Variants in LIMD1 observed in about 807,000 individuals in gnomAD.
LIMD1 encodes the protein LIM domain containing 1, also known as LIM domain-containing protein 1.
In LIMD1, 23 loss-of-function variants were observed where a neutral mutation model predicts 58.4. The observed-to-expected ratio is 0.39, with a 90% CI of 0.28 to 0.56. LIMD1 has a LOEUF of 0.56. LIMD1 is among the 20% of genes least tolerant of loss of function. The probability of loss-of-function intolerance (pLI) is 0.57; values close to 1 mark genes in which losing one functional copy is unlikely to be tolerated. For missense variants in LIMD1, 838 were observed against 855.5 expected, an observed-to-expected ratio of 0.98 and a Z score of 0.25; for synonymous variants, 334 against 345.5, an observed-to-expected ratio of 0.97 and a Z score of 0.37.
Position 45,672,822 on chromosome 3 carries a change from T to A in LIMD1, c.1772+2T>A, listed in dbSNP as rs1697609974. The A allele has an allele frequency of 2.5e-6, 4 of 1,613,150 alleles. No individual in the cohort carries two copies. Among genetic ancestry groups the A allele is most frequent in the Non-Finnish European group, 3.4e-6 (4 of 1,179,628 alleles). Reference sequence around the variant, plus strand: ...CTACTGTGTCCGAGATTACCACAAGTAAGAAGGGATGGGAGCAGACAGGAC... The same window carrying A: ...CTACTGTGTCCGAGATTACCACAAGAAAGAAGGGATGGGAGCAGACAGGAC... On this transcript the variant is annotated splice_donor_variant, in intron 5 of 7. Transcript: ENST00000273317. LOFTEE classifies it high-confidence loss of function.
At chr3:45,664,304 C>A (rs1697483331) in intron 2 of LIMD1, among the ~76,000 whole-genome samples, 1 of 152,156 alleles carries the variant, frequency 6.6e-6, no homozygotes, top group Non-Finnish European at 1.5e-5. Flanking sequence ...CTGTGCCCGG[C>A]CAGATACTAA....
intron 2 of LIMD1, among the ~76,000 whole-genome samples, chr3:45,656,729 G>A (rs2578686): frequency 1.3e-5 from 2 of 152,112 alleles, no homozygotes; most frequent in Non-Finnish European, 2.9e-5. Context: ...TGTTGGCCAG[G>A]ATGGTCTTGG....
chr3:45,671,087 T>G (rs1236350772), intron 4 of LIMD1, among the ~76,000 whole-genome samples: 1 of 152,244 alleles, frequency 6.6e-6, no homozygotes, highest in Non-Finnish European at 1.5e-5. Context: ...GAAAATGCAT[T>G]CCAAGGTCCA....
At position 45,595,512 on chromosome 3, in the gene LIMD1, C is replaced by T. The variant is rs1701336600; in HGVS notation, c.633C>T (p.Ser211=). The part of the protein sequence containing the change: ...GLSVGSGWPS[S]PGSDPPLPKP... ...GTGTAGGGAGTGGGTGGCCTAGCTC[C>T]CCGGGGAGTGACCCACCACTGCCCA... Residue 211 remains serine, a synonymous_variant, in exon 1 of 8, where the codon TCC becomes TCT. Coordinates refer to ENST00000273317, the MANE Select transcript of LIMD1 (RefSeq NM_014240.3). The T allele has an allele frequency of 1.2e-6, 2 of 1,613,896 alleles. No homozygotes were observed. The highest frequency in any genetic ancestry group is 1.7e-5 in the Admixed American group (1 of 59,994).
intron 1 of LIMD1, among the ~76,000 whole-genome samples, chr3:45,627,175 G>A (rs1462794387): frequency 2.0e-5 from 3 of 152,084 alleles, no homozygotes; most frequent in African/African-American, 7.2e-5. Flanking sequence ...CCTAGCTGCA[G>A]CCAAGAAGGA....
chr3:45,601,488 G>A (rs900061561), intron 1 of LIMD1, among the ~76,000 whole-genome samples: 2 of 152,178 alleles, frequency 1.3e-5, no homozygotes, highest in East Asian at 1.9e-4. Context: ...CGCCTTCATC[G>A]AAGGGCCTTT....
chr3:45,660,405 CTTT>C (rs869301368), intron 2 of LIMD1, among the ~76,000 whole-genome samples: 81 of 80,010 alleles, frequency 1.0e-3, no homozygotes, highest in Admixed American at 9.7e-3. Context: ...GGTGGGCTGT[CTTT>C]TTTTTTTTTT....
In LIMD1 at chr3:45,595,471, C is replaced by T. The variant is rs554830071; in HGVS notation, c.592C>T (p.Pro198Ser). Residue 198 changes from proline to serine, a missense_variant, in exon 1 of 8, where the codon CCC (proline) becomes TCC (serine). Pro to Ser is a moderately conservative substitution (Grantham distance 74). This residue lies in a region of LIMD1 where 659 missense variants were observed against 639.8 expected (regional missense o/e 1.03). Transcript: ENST00000273317. ...PKWGDKPGVS[P>S]SIGLSVGSGW... ...GTGGGGTGACAAACCAGGAGTGTCC[C>T]CCAGCATCGGCCTGAGTGTAGGGAG... 6.6e-5 allele frequency: 107 copies of T among 1,613,860 alleles called. No homozygotes were observed. In the South Asian group the frequency reaches 7.4e-4, roughly 11 times the overall value.
rs1301456786 is a variant in LIMD1 at position 45,660,966 on chromosome 3, A to G, written c.1511-4684A>G. On this transcript the variant is annotated intron_variant, in intron 2 of 7. Transcript: ENST00000273317. ...ATGATCCCTGAGATCACCCAGCTGTAGGTAGACATTCTTGGTACCTTAGTT... is the reference window on the plus strand; with the variant it reads ...ATGATCCCTGAGATCACCCAGCTGTGGGTAGACATTCTTGGTACCTTAGTT... 2.0e-5 allele frequency among the ~76,000 whole-genome samples: 3 copies of G among 152,198 alleles called. No homozygotes were observed. In the East Asian group the frequency reaches 5.8e-4, roughly 29 times the overall value.
In LIMD1 at chr3:45,595,458, A is replaced by G. The variant is rs1701335776; in HGVS notation, c.579A>G (p.Lys193=). The G allele has an allele frequency of 6.2e-7, 1 of 1,613,838 alleles. No homozygotes were observed. Among genetic ancestry groups the G allele is most frequent in the Non-Finnish European group, 8.5e-7 (1 of 1,179,920 alleles). ...TGGCAAGCCCAAAGTGGGGTGACAA[A>G]CCAGGAGTGTCCCCCAGCATCGGCC... The part of the protein sequence containing the change: ...LSLASPKWGD[K]PGVSPSIGLS... The change falls in exon 1 of 8, where the codon AAA becomes AAG. Residue 193 remains lysine (K), a synonymous_variant. Coordinates refer to ENST00000273317, the MANE Select transcript of LIMD1 (RefSeq NM_014240.3).
rs768028709 is a variant in LIMD1 at position 45,685,078 on chromosome 3, G to C, written c.*8019G>C. ...AGAGATTATTTGGATGTGCCAACAA[G>C]CTTCATCTGCAGCTTGGACTGTCTC... On this transcript the variant is annotated 3_prime_UTR_variant, in exon 8 of 8. Coordinates refer to ENST00000273317, the MANE Select transcript of LIMD1 (RefSeq NM_014240.3). 2.0e-5 allele frequency: 3 copies of C among 152,178 alleles called. No individual in the cohort carries two copies. Among genetic ancestry groups the C allele is most frequent in the Non-Finnish European group, 4.4e-5 (3 of 68,040 alleles). 9.4% of individuals were successfully genotyped at this position (152,178 alleles called of 1,614,324 possible).
intron 1 of LIMD1, among the ~76,000 whole-genome samples, chr3:45,613,278 C>T (rs944557095): frequency 2.0e-5 from 3 of 152,182 alleles, no homozygotes; most frequent in South Asian, 2.1e-4. Context: ...AAAACAAGGT[C>T]ATATATTCAT....
In LIMD1 at chr3:45,652,528, CT is replaced by C. The variant is rs539339601; in HGVS notation, c.1511-13119del. Reference sequence around the variant, plus strand: ...TTTTGAGTCTTGGATATTTTGTATTCTTTCAATCTTCTGAGCATTGTTCTGG... The same window carrying C: ...TTTTGAGTCTTGGATATTTTGTATTCTTCAATCTTCTGAGCATTGTTCTGG... On this transcript the variant is annotated intron_variant, in intron 2 of 7. Coordinates refer to ENST00000273317, the MANE Select transcript of LIMD1 (RefSeq NM_014240.3). Among the ~76,000 whole-genome samples, 11 of 152,272 alleles carry C rather than the reference CT, an allele frequency of 7.2e-5. No homozygotes were observed. The South Asian group carries it at 1.9e-3, about 26-fold the overall frequency.
At chr3:45,631,046 A>G (rs956473309) in intron 1 of LIMD1, among the ~76,000 whole-genome samples, 2 of 152,136 alleles carry the variant, frequency 1.3e-5, no homozygotes, top group African/African-American at 4.8e-5. Flanking sequence ...TCTACTAAAA[A>G]TATAAAAATT....
At chr3:45,635,028 A>T (rs1342845794) in intron 1 of LIMD1, 2 of 152,250 alleles carry the variant, frequency 1.3e-5, no homozygotes, top group African/African-American at 4.8e-5. Context: ...ACCTGAGGTC[A>T]GTAGTTTGAG....
At chr3:45,674,233 C>T in intron 6 of LIMD1, 110 bp from the exon 7 acceptor site, 2 of 712,762 alleles carry the variant, frequency 2.8e-6, no homozygotes, top group South Asian at 3.3e-5. Flanking sequence ...CCCAAGGCCA[C>T]CTACTTGTTA....
Position 45,596,026 on chromosome 3 carries a change from C to T in LIMD1, c.1147C>T (p.Leu383Phe), listed in dbSNP as rs1363000850. The T allele has an allele frequency of 1.9e-6, 3 of 1,614,226 alleles. No homozygotes were observed. The highest frequency in any genetic ancestry group is 1.7e-6 in the Non-Finnish European group (2 of 1,180,030). The stretch of plus-strand genomic sequence containing the variant: ...CACAGACCTTGGCACTGGTCCCAAG[C>T]TCAGCCCCACCAGTCTTGTCCATCC... ...GCTDLGTGPK[L>F]SPTSLVHPVM... The change falls in exon 1 of 8, where the codon CTC becomes TTC. Residue 383 changes from leucine to phenylalanine, a missense_variant. Leu to Phe is a conservative substitution (Grantham distance 22). Around this residue, in one of 3 missense-constraint regions of LIMD1, gnomAD observed 659 missense variants for 639.8 expected, o/e 1.03. Transcript: ENST00000273317.
At position 45,673,469 on chromosome 3, in the gene LIMD1, G is replaced by A; in HGVS notation, c.1788G>A (p.Lys596=). The change falls in exon 6 of 8, where the codon AAG becomes AAA. Residue 596 remains lysine, a synonymous_variant. Transcript: ENST00000273317. ...VRDYHKVLAP[K]CAACGLPILP... Reference sequence around the variant, plus strand: ...CTCCCCACAGGGTGCTGGCCCCCAAGTGTGCAGCCTGTGGGCTTCCCATCC... The same window carrying A: ...CTCCCCACAGGGTGCTGGCCCCCAAATGTGCAGCCTGTGGGCTTCCCATCC... The A allele has an allele frequency of 6.2e-7, 1 of 1,614,064 alleles. No individual in the cohort carries two copies.
intron 7 of LIMD1, among the ~76,000 whole-genome samples, chr3:45,676,462 C>T (rs1697673750): frequency 1.3e-5 from 2 of 152,112 alleles, no homozygotes; most frequent in South Asian, 4.1e-4. Context: ...CTCACCCCCA[C>T]CTCCCAACAG....
Sources: allele counts gnomAD v4.1 joint callset (sites outside exome capture counted in the v4.1 genomes callset), GRCh38; gene constraint gnomAD v4.1.1; regional missense constraint gnomAD v4.1.1; transcripts MANE v1.5; gene names NCBI Gene and HGNC (gene_info 2026-07-23, HGNC 2026-07-21).